ZNF595: variants seen among roughly 807,000 people sequenced by gnomAD.
ZNF595 encodes the protein zinc finger protein 595.
A neutral mutation model predicts 19.4 loss-of-function variants in ZNF595; 9 were observed. The ratio of observed to expected loss-of-function variants is 0.46; its 90% CI spans 0.28 to 0.81. The LOEUF (loss-of-function observed/expected upper bound fraction) is 0.81. Among genes scored for constraint, ZNF595 ranks in the 30% least tolerant of loss-of-function variants. The pLI is 0.11. For synonymous variants in ZNF595, 255 were observed against 255.9 expected (o/e 1.00, Z 0.03); for missense variants, 729 against 736.0 (o/e 0.99, Z 0.11).
In ZNF595 at chr4:86,729, TCA is replaced by T; in HGVS notation, c.1229_1230del (p.His410ProfsTer3). ...ATGTGGCAAAGCTTTTTATAGGTCC[TCA>T]CACCTTGCTAAACATAAGAGAATTC... ...EECGKAFYRS[S>X]HLAKHKRIHT... On this transcript the variant is annotated frameshift_variant, in exon 4 of 4. Coordinates refer to ENST00000610261, the MANE Select transcript of ZNF595 (RefSeq NM_182524.4). LOFTEE classifies it high-confidence loss of function. The T allele has an allele frequency of 6.2e-7, 1 of 1,610,560 alleles. No homozygotes were observed. The highest frequency in any genetic ancestry group is 8.5e-7 in the Non-Finnish European group (1 of 1,179,028).
At chr4:60,714 A>T (rs1581322204) in intron 3 of ZNF595, among the ~76,000 whole-genome samples, 1 of 152,402 alleles carries the variant, frequency 6.6e-6, no homozygotes, top group East Asian at 1.9e-4. Flanking sequence ...CACCCTGCTT[A>T]GTGATTTTTA....
At chr4:60,863 T>C (rs1712826531) in intron 3 of ZNF595, among the ~76,000 whole-genome samples, 1 of 152,284 alleles carries the variant, frequency 6.6e-6, no homozygotes, top group African/African-American at 2.4e-5. Flanking sequence ...AAATTTGTAA[T>C]TTGAACTCTA....
At chr4:76,675 C>G (rs939572464) in intron 3 of ZNF595, among the ~76,000 whole-genome samples, 4 of 152,086 alleles carry the variant, frequency 2.6e-5, no homozygotes, top group Non-Finnish European at 5.9e-5. Flanking sequence ...TATCTCGATT[C>G]ATATTTCATT....
At chr4:66,890 T>A (rs1713140713) in intron 3 of ZNF595, among the ~76,000 whole-genome samples, 1 of 151,566 alleles carries the variant, frequency 6.6e-6, no homozygotes, top group Non-Finnish European at 1.5e-5. Flanking sequence ...TGTTCTTGTT[T>A]TCTAAGAATG....
At chr4:73,533 G>C (rs961223987) in intron 3 of ZNF595, among the ~76,000 whole-genome samples, 3 of 152,170 alleles carry the variant, frequency 2.0e-5, no homozygotes, top group African/African-American at 7.2e-5. Flanking sequence ...TAAAGAGGGA[G>C]CATCATCAAA....
chr4:85,278 T>C (rs1406165157), intron 3 of ZNF595, among the ~76,000 whole-genome samples: 2 of 152,228 alleles, frequency 1.3e-5, no homozygotes, highest in African/African-American at 4.8e-5. Flanking sequence ...TTCCAAAGTA[T>C]AGCACCGTTT....
intron 3 of ZNF595, among the ~76,000 whole-genome samples, chr4:63,265 C>A (rs1374609861): frequency 7.1e-6 from 1 of 141,720 alleles, no homozygotes; most frequent in Non-Finnish European, 1.5e-5. Flanking sequence ...CAGCTTTGTT[C>A]TTTCTCAAGA....
rs1560092266 is a variant in ZNF595 at position 82,371 on chromosome 4, G to GTTTTTTTTTTT, written c.227-3360_227-3359insTTTTTTTTTTT. Among the ~76,000 whole-genome samples the GTTTTTTTTTTT allele has an allele frequency of 2.6e-4, 25 of 97,708 alleles. 3 individuals are homozygous for GTTTTTTTTTTT. The highest frequency in any genetic ancestry group is 8.4e-4 in the African/African-American group (23 of 27,400). The allele number at this position is 97,708 out of a possible 152,430, so 64.1% of individuals were successfully genotyped here. On this transcript the variant is annotated intron_variant, in intron 3 of 3. Transcript: ENST00000610261. ...ACAAAAGTCCATTTTTTTGGTTTGT[G>GTTTTTTTTTTT]GTTTTTTTTTTTTTTTTTTTTTTTT... is the stretch of plus-strand genomic sequence containing the variant.
intron 3 of ZNF595, among the ~76,000 whole-genome samples, chr4:74,123 T>C (rs782058551): frequency 6.6e-6 from 1 of 151,918 alleles, no homozygotes; most frequent in Non-Finnish European, 1.5e-5. Flanking sequence ...GCCTGGGCAA[T>C]ATGGTGAAAT....
chr4:79,351 G>C lies in ZNF595; in HGVS notation c.227-6380G>C, dbSNP rs1411450592. 5.3e-5 allele frequency among the ~76,000 whole-genome samples: 8 copies of C among 152,290 alleles called. No homozygotes were observed. The East Asian group carries it at 1.5e-3, about 29-fold the overall frequency. On this transcript the variant is annotated intron_variant, in intron 3 of 3. Transcript: ENST00000610261. The stretch of plus-strand genomic sequence containing the variant: ...AAAATCTGATACTGATCTCTAAAGG[G>C]ACATTTGTGCTGTTTCCAGGAATTG...
At chr4:78,147 T>A (rs1473770183) in intron 3 of ZNF595, among the ~76,000 whole-genome samples, 2 of 152,186 alleles carry the variant, frequency 1.3e-5, no homozygotes, top group Non-Finnish European at 2.9e-5. Flanking sequence ...TAGCTGGGAC[T>A]ACAGGCGTCC....
chr4:66,211 G>GT (rs1713094798), intron 3 of ZNF595, among the ~76,000 whole-genome samples: 1 of 151,088 alleles, frequency 6.6e-6, no homozygotes, highest in African/African-American at 2.4e-5. Flanking sequence ...TTAATACACA[G>GT]TAATACCTCA....
At position 81,740 on chromosome 4, in the gene ZNF595, T is replaced by C. The variant is rs191360350; in HGVS notation, c.227-3991T>C. Among the ~76,000 whole-genome samples, 4 of 152,344 alleles carry C rather than the reference T, an allele frequency of 2.6e-5. No homozygotes were observed. The East Asian group carries it at 7.7e-4, about 29-fold the overall frequency. Reference sequence around the variant, plus strand: ...ACAAAAACAATTCTGTTTTCTGTTTTAGAGTCAAACTGCTTTAGATATCTC... The same window carrying C: ...ACAAAAACAATTCTGTTTTCTGTTTCAGAGTCAAACTGCTTTAGATATCTC... On this transcript the variant is annotated intron_variant, in intron 3 of 3. Transcript: ENST00000610261.
intron 3 of ZNF595, among the ~76,000 whole-genome samples, chr4:82,784 A>C (rs1713971621): frequency 6.6e-6 from 1 of 152,166 alleles, no homozygotes; most frequent in Non-Finnish European, 1.5e-5. Flanking sequence ...ACTTTTTTGT[A>C]GCCTAACAGG....
At chr4:75,100 A>G (rs1032317196) in intron 3 of ZNF595, among the ~76,000 whole-genome samples, 7 of 151,802 alleles carry the variant, frequency 4.6e-5, no homozygotes, top group Non-Finnish European at 5.9e-5. Context: ...TATTATTGAC[A>G]TGGAATATTC....
intron 3 of ZNF595, among the ~76,000 whole-genome samples, chr4:83,434 G>T (rs549592328): frequency 4.9e-4 from 75 of 151,954 alleles, no homozygotes; most frequent in African/African-American, 1.6e-3. Context: ...GGCTAACATG[G>T]TGAAACCCCG....
At chr4:76,884 CTT>C (rs1319697288) in intron 3 of ZNF595, among the ~76,000 whole-genome samples, 3 of 152,040 alleles carry the variant, frequency 2.0e-5, no homozygotes, top group Admixed American at 2.0e-4. Flanking sequence ...AAGAATCTCT[CTT>C]TGTCTTTGAA....
In ZNF595 at chr4:87,345, A is replaced by G; in HGVS notation, c.1841A>G (p.His614Arg). 6.2e-7 allele frequency: 1 copy of G among 1,613,642 alleles called. No homozygotes were observed. Among genetic ancestry groups the G allele is most frequent in the Non-Finnish European group, 8.5e-7 (1 of 1,179,842 alleles). Residue 614 changes from histidine to arginine, a missense_variant, in exon 4 of 4, where the codon CAT becomes CGT. Coordinates refer to ENST00000610261, the MANE Select transcript of ZNF595 (RefSeq NM_182524.4). ...SSSLTKHKII[H>R]TGEKSYKCEE... ...TCCCTTACTAAACATAAGATAATTC[A>G]TACTGGAGAGAAATCCTACAAATGT...
At chr4:64,463 A>G (rs10023271) in intron 3 of ZNF595, among the ~76,000 whole-genome samples, 735 of 148,912 alleles carry the variant, frequency 4.9e-3, no homozygotes, top group Middle Eastern at 0.025. Flanking sequence ...ATCAAAATAA[A>G]TGTAAAGTGA....
Sources: gnomAD v4.1 joint callset for allele counts (sites outside exome capture counted in the v4.1 genomes callset) on GRCh38, gnomAD v4.1.1 for gene constraint, MANE v1.5 for transcripts, NCBI Gene and HGNC (gene_info 2026-07-23, HGNC 2026-07-21) for gene names.